The following TENM3 variants were observed in gnomAD, a reference collection of about 807,000 sequenced individuals.
The protein encoded by TENM3 is teneurin-3.
In TENM3, 63 loss-of-function variants were observed where a neutral mutation model predicts 255.1. The ratio of observed to expected loss-of-function variants is 0.25; its 90% CI spans 0.20 to 0.30. The LOEUF (loss-of-function observed/expected upper bound fraction) is 0.30. Ranked by LOEUF, TENM3 falls within the 10% of genes least tolerant of loss-of-function variation. The pLI, the probability that TENM3 is intolerant of heterozygous loss-of-function variation, is 1.00. For synonymous variants in TENM3, 1,306 were observed against 1,322.3 expected (o/e 0.99, Z 0.27); for missense variants, 2,929 against 3,461.1 (o/e 0.85, Z 3.86).
chr4:182,725,133 C>A (rs1440649260), intron 13 of TENM3, among the ~76,000 whole-genome samples: 1 of 151,752 alleles, frequency 6.6e-6, no homozygotes, highest in Admixed American at 6.6e-5. Flanking sequence ...TCTCACTGCA[C>A]CCTCGAACTC....
chr4:181,903,766 G>GC, the TENM3 span, among the ~76,000 whole-genome samples: 3 of 152,198 alleles, frequency 2.0e-5, no homozygotes, highest in Admixed American at 2.0e-4. Flanking sequence ...CCTGAGGAGG[G>GC]CCCCTCCTGG....
intron 18 of TENM3, among the ~76,000 whole-genome samples, chr4:182,739,321 A>G (rs997453286): frequency 6.6e-6 from 1 of 152,198 alleles, no homozygotes; most frequent in South Asian, 2.1e-4. Context: ...ATGAAACACA[A>G]TTCTGTTGTC....
chr4:182,352,087 C>T (rs1029460100), intron 3 of TENM3, among the ~76,000 whole-genome samples: 4 of 151,876 alleles, frequency 2.6e-5, no homozygotes, highest in African/African-American at 4.8e-5. Flanking sequence ...CAATAGATAT[C>T]TCCTCCTCCC....
chr4:182,000,890 A>G, the TENM3 span, among the ~76,000 whole-genome samples: 1 of 152,084 alleles, frequency 6.6e-6, no homozygotes, highest in African/African-American at 2.4e-5. Context: ...CTGATTATAT[A>G]ATAAGAAAGT....
intron 3 of TENM3, among the ~76,000 whole-genome samples, chr4:182,361,141 G>A (rs922247173): frequency 3.9e-5 from 6 of 152,062 alleles, no homozygotes; most frequent in African/African-American, 1.2e-4. Flanking sequence ...CTTTCTCTCT[G>A]GCTGCCCTTA....
intron 3 of TENM3, among the ~76,000 whole-genome samples, chr4:182,446,035 A>G (rs1053260142): frequency 6.6e-6 from 1 of 152,214 alleles, no homozygotes; most frequent in Non-Finnish European, 1.5e-5. Context: ...TAATGTATGC[A>G]TGGGGGTGTC....
the TENM3 span, among the ~76,000 whole-genome samples, chr4:181,483,568 G>T: frequency 6.6e-6 from 1 of 152,148 alleles, no homozygotes; most frequent in South Asian, 2.1e-4. Context: ...CTGATTTAAA[G>T]TTTAATTGTA....
chr4:181,930,975 C>G, the TENM3 span, among the ~76,000 whole-genome samples: 2 of 152,154 alleles, frequency 1.3e-5, no homozygotes, highest in East Asian at 3.9e-4. Flanking sequence ...CCTCTTCATG[C>G]TAAAAACTCT....
intron 1 of TENM3, among the ~76,000 whole-genome samples, chr4:182,205,429 CTG>C (rs929121798): frequency 1.9e-4 from 29 of 152,266 alleles, no homozygotes; most frequent in African/African-American, 7.0e-4. Context: ...CCATGTGCCT[CTG>C]ACACGCCCCT....
chr4:182,591,231 A>G (rs1746610109), intron 3 of TENM3, among the ~76,000 whole-genome samples: 1 of 152,200 alleles, frequency 6.6e-6, no homozygotes, highest in Non-Finnish European at 1.5e-5. Flanking sequence ...AAAGTACAGT[A>G]GAATCTAAAA....
At chr4:182,737,188 G>C in intron 17 of TENM3, 113 bp downstream of exon 17, 1 of 1,130,520 alleles carries the variant, frequency 8.8e-7, no homozygotes, top group Non-Finnish European at 1.3e-6. Context: ...AAGAGAATAA[G>C]GTTGTCCTAG....
intron 1 of TENM3, among the ~76,000 whole-genome samples, chr4:182,247,607 T>C (rs779713264): frequency 5.9e-5 from 9 of 152,222 alleles, no homozygotes; most frequent in African/African-American, 2.2e-4. Context: ...CCAGTGACTT[T>C]GTTTTCTGTC....
the TENM3 span, among the ~76,000 whole-genome samples, chr4:181,772,055 T>C: frequency 6.6e-6 from 1 of 152,178 alleles, no homozygotes; most frequent in African/African-American, 2.4e-5. Flanking sequence ...ACAGGTATTA[T>C]GCAAAGAAAA....
chr4:182,456,883 T>G (rs1256178765), intron 3 of TENM3, among the ~76,000 whole-genome samples: 1 of 151,952 alleles, frequency 6.6e-6, no homozygotes, highest in African/African-American at 2.4e-5. Context: ...TCATCTACCT[T>G]AAGAACAAAA....
chr4:181,612,142 T>G, the TENM3 span, among the ~76,000 whole-genome samples: 1 of 152,212 alleles, frequency 6.6e-6, no homozygotes, highest in Non-Finnish European at 1.5e-5. Flanking sequence ...AGCCTCTCAG[T>G]GCCAGTGGCC....
the TENM3 span, among the ~76,000 whole-genome samples, chr4:181,872,817 GTC>G: frequency 6.6e-6 from 1 of 152,058 alleles, no homozygotes; most frequent in African/African-American, 2.4e-5. Flanking sequence ...TGGAGCCTTT[GTC>G]CTCAGCTCCT....
At chr4:182,271,828 C>T (rs917604673) in intron 1 of TENM3, among the ~76,000 whole-genome samples, 1 of 152,136 alleles carries the variant, frequency 6.6e-6, no homozygotes, top group Non-Finnish European at 1.5e-5. Context: ...AGGATTATTG[C>T]GCAGGAGGGT....
intron 1 of TENM3, among the ~76,000 whole-genome samples, chr4:182,235,666 C>T (rs1043683069): frequency 1.3e-5 from 2 of 151,978 alleles, no homozygotes; most frequent in Non-Finnish European, 2.9e-5. Flanking sequence ...CACGACCACA[C>T]GGGAGCCATC....
intron 13 of TENM3, among the ~76,000 whole-genome samples, chr4:182,719,354 C>A (rs1014536414): frequency 6.9e-6 from 1 of 145,002 alleles, no homozygotes; most frequent in Non-Finnish European, 1.5e-5. Context: ...CTCCGCCTGC[C>A]GGGTTCAAGG....
Sources: allele counts gnomAD v4.1 joint callset (sites outside exome capture counted in the v4.1 genomes callset), GRCh38; gene constraint gnomAD v4.1.1; transcripts MANE v1.5; gene names NCBI Gene and HGNC (gene_info 2026-07-23, HGNC 2026-07-21).